The following RYR3 variants were observed in gnomAD, a reference collection of about 807,000 sequenced individuals.
RYR3 encodes ryanodine receptor 3, also known as brain ryanodine receptor-calcium release channel.
In RYR3, 207 loss-of-function variants were observed where a neutral mutation model predicts 584.3. The ratio of observed to expected loss-of-function variants is 0.35; its 90% CI spans 0.32 to 0.40. The LOEUF is 0.40. RYR3 is among the 10% of genes least tolerant of loss of function. RYR3 has a pLI of 1.00. For synonymous variants in RYR3, 2,416 were observed against 2,248.5 expected (o/e 1.07, Z -2.11); for missense variants, 5,616 against 6,089.2 (o/e 0.92, Z 2.59).
chr15:33,853,227 G>T lies in RYR3; in HGVS notation c.13671+140G>T, dbSNP rs1165787848. 5 of 904,808 alleles carry T rather than the reference G, an allele frequency of 5.5e-6. No individual in the cohort carries two copies. The East Asian group carries it at 1.1e-4, about 19-fold the overall frequency. The allele number at this position is 904,808 out of a possible 1,614,324, so 56.0% of individuals were successfully genotyped here. ...TCAAGAAGAGTAAGTCACAGAAGGG[G>T]TTGGATATGAACATATGTAGGTTTT... is the stretch of plus-strand genomic sequence containing the variant. On this transcript the variant is annotated intron_variant, in intron 95 of 103. Transcript: ENST00000634891.
chr15:33,515,310 A>G (rs1324219212), intron 3 of RYR3, among the ~76,000 whole-genome samples: 1 of 152,234 alleles, frequency 6.6e-6, no homozygotes, highest in Non-Finnish European at 1.5e-5. Context: ...CACCAGGAGA[A>G]TGAGCAACTG....
intron 82 of RYR3, 48 bp downstream of exon 82, chr15:33,825,724 T>A (rs2077341962): frequency 1.1e-5 from 6 of 529,304 alleles, no homozygotes; most frequent in African/African-American, 7.0e-5. Flanking sequence ...GATTAAAATC[T>A]TTTTTTTTTT....
chr15:33,736,757 T>C (rs555839671), intron 49 of RYR3, among the ~76,000 whole-genome samples: 2 of 147,410 alleles, frequency 1.4e-5, no homozygotes, highest in Non-Finnish European at 3.0e-5. Flanking sequence ...TTTCTACTTT[T>C]TTTTTAAATG....
chr15:33,737,221 A>G (rs1249809866), intron 49 of RYR3, among the ~76,000 whole-genome samples: 1 of 152,120 alleles, frequency 6.6e-6, no homozygotes, highest in Non-Finnish European at 1.5e-5. Context: ...AGTCTCCCAA[A>G]GTGCTGGGAT....
intron 2 of RYR3, among the ~76,000 whole-genome samples, chr15:33,474,001 A>G (rs748261330): frequency 5.9e-5 from 9 of 152,164 alleles, no homozygotes; most frequent in Non-Finnish European, 1.2e-4. Context: ...CTGTCTGCCC[A>G]CTGTGACACG....
intron 12 of RYR3, among the ~76,000 whole-genome samples, chr15:33,573,614 C>G (rs772780872): frequency 2.0e-5 from 3 of 152,150 alleles, no homozygotes; most frequent in Non-Finnish European, 4.4e-5. Flanking sequence ...ACAAATAAAT[C>G]ATTATGTTAT....
At chr15:33,725,943 CTGGGTG>C (rs2068375146) in intron 45 of RYR3, among the ~76,000 whole-genome samples, 1 of 123,174 alleles carries the variant, frequency 8.1e-6, no homozygotes, top group Admixed American at 1.1e-4. Flanking sequence ...GCACTCCAGC[CTGGGTG>C]ACAGAGCAAG....
At chr15:33,501,695 C>G (rs1472118980) in intron 2 of RYR3, among the ~76,000 whole-genome samples, 1 of 152,076 alleles carries the variant, frequency 6.6e-6, no homozygotes, top group Non-Finnish European at 1.5e-5. Flanking sequence ...TTTTGGAAGG[C>G]TAAGTTAGAC....
intron 10 of RYR3, among the ~76,000 whole-genome samples, chr15:33,557,559 A>G (rs1409439050): frequency 1.3e-5 from 2 of 151,850 alleles, no homozygotes; most frequent in Non-Finnish European, 2.9e-5. Flanking sequence ...TAATTTTTGT[A>G]TTTTTAGTAG....
chr15:33,837,749 C>A lies in RYR3; in HGVS notation c.11769C>A (p.Thr3923=). The A allele has an allele frequency of 6.2e-7, 1 of 1,613,736 alleles. No homozygotes were observed. The highest frequency in any genetic ancestry group is 8.5e-7 in the Non-Finnish European group (1 of 1,179,790). The part of the protein sequence containing the change: ...FDMFLKLKDL[T]SSDTFKEYDP... ...TGTTCTTGAAACTTAAAGACTTAAC[C>A]AGCTCAGACACCTTCAAAGAATATG... The change falls in exon 89 of 104, where the codon ACC becomes ACA. Residue 3923 remains threonine (T), a synonymous_variant. Transcript: ENST00000634891.
chr15:33,395,806 C>T (rs1361068524), intron 1 of RYR3, among the ~76,000 whole-genome samples: 1 of 152,156 alleles, frequency 6.6e-6, no homozygotes, highest in Non-Finnish European at 1.5e-5. Flanking sequence ...TTCACTTAGC[C>T]CTCTGTAGTT....
chr15:33,603,110 T>A lies in RYR3; in HGVS notation c.1923-13T>A. The A allele has an allele frequency of 1.9e-6, 3 of 1,613,032 alleles. No homozygotes were observed. Among genetic ancestry groups the A allele is most frequent in the Non-Finnish European group, 2.5e-6 (3 of 1,179,414 alleles). On this transcript the variant is annotated splice_polypyrimidine_tract_variant and intron_variant, in intron 17 of 103. Transcript: ENST00000634891. ...AGGGTGTGTAGATGCCACTTGCCCA[T>A]GTTTACTTTCAGTATCCGGCCAAAC...
rs923926960 is a variant in RYR3, at chr15:33,586,027, A to T, written c.1699A>T (p.Thr567Ser). 1 of 1,613,192 alleles carries T rather than the reference A, an allele frequency of 6.2e-7. No individual in the cohort carries two copies. Among genetic ancestry groups the T allele is most frequent in the Non-Finnish European group, 8.5e-7 (1 of 1,179,306 alleles). ...CTTGGAAGTTTTGCACTGCATCTTA[A>T]CTGAAAGCCCAGAAGCCTTAAATCT... The part of the protein sequence containing the change: ...GILEVLHCIL[T>S]ESPEALNLIA... Residue 567 changes from threonine (T) to serine (S), a missense_variant, in exon 16 of 104, where the codon ACT becomes TCT. By Grantham distance (58) the Thr-to-Ser change is moderately conservative. This residue lies in a region of RYR3 where 1,284 missense variants were observed against 1,344.6 expected (regional missense o/e 0.95). Transcript: ENST00000634891.
At chr15:33,669,765 G>T (rs1184388111) in intron 37 of RYR3, among the ~76,000 whole-genome samples, 1 of 139,734 alleles carries the variant, frequency 7.2e-6, no homozygotes, top group Non-Finnish European at 1.5e-5. Context: ...TTTGCTTAAA[G>T]TTAGTTGGGA....
At chr15:33,478,663 A>C (rs1199401635) in intron 2 of RYR3, among the ~76,000 whole-genome samples, 1 of 152,226 alleles carries the variant, frequency 6.6e-6, no homozygotes, top group Admixed American at 6.5e-5. Context: ...AGTTTTAAAA[A>C]GTCATAACAC....
intron 69 of RYR3, among the ~76,000 whole-genome samples, chr15:33,807,004 G>A (rs2076248065): frequency 1.3e-5 from 2 of 151,438 alleles, no homozygotes; most frequent in Non-Finnish European, 2.9e-5. Context: ...TGCCACCTCG[G>A]CCTCCCAAAG....
chr15:33,672,077 G>A (rs1356840678), intron 38 of RYR3, among the ~76,000 whole-genome samples: 1 of 151,878 alleles, frequency 6.6e-6, no homozygotes, highest in Non-Finnish European at 1.5e-5. Flanking sequence ...GCCTCCCAAA[G>A]TGCTGGGATT....
At chr15:33,717,588 T>C (rs1375852039) in intron 43 of RYR3, among the ~76,000 whole-genome samples, 2 of 152,232 alleles carry the variant, frequency 1.3e-5, no homozygotes, top group Non-Finnish European at 2.9e-5. Context: ...CTCTAAGTTG[T>C]GTAGGAGGAA....
intron 43 of RYR3, 43 bp downstream of exon 43, chr15:33,707,097 A>G: frequency 1.2e-6 from 2 of 1,604,522 alleles, no homozygotes; most frequent in Non-Finnish European, 1.7e-6. Context: ...CCAGAATAGC[A>G]TGATCGTGGA....
Sources: gnomAD v4.1 joint callset for allele counts (sites outside exome capture counted in the v4.1 genomes callset) on GRCh38, gnomAD v4.1.1 for gene constraint, gnomAD v4.1.1 regional missense constraint, MANE v1.5 for transcripts, NCBI Gene and HGNC (gene_info 2026-07-23, HGNC 2026-07-21) for gene names.